Variants in ZXDC observed in about 807,000 individuals in gnomAD.
The protein encoded by ZXDC is ZXD family zinc finger C.
In ZXDC, 58 loss-of-function variants were observed where a neutral mutation model predicts 63.6. The observed-to-expected ratio is 0.91, with a 90% CI of 0.74 to 1.13. ZXDC has a LOEUF of 1.13. Among genes scored for constraint, ZXDC ranks in the 50% most tolerant of loss-of-function variants. The pLI, the probability that ZXDC is intolerant of heterozygous loss-of-function variation, is 0.00. For missense variants in ZXDC, 1,133 were observed against 1,148.9 expected (o/e 0.99, Z 0.20); for synonymous variants, 561 against 496.1 (o/e 1.13, Z -1.74).
intron 1 of ZXDC, 129 bp from the exon 2 acceptor site, chr3:126,472,434 C>T: frequency 8.5e-6 from 10 of 1,175,450 alleles, no homozygotes; most frequent in Non-Finnish European, 1.2e-5. Context: ...CAGAAGCACT[C>T]TCTAAAAAGG....
chr3:126,450,230 C>T, intron 7 of ZXDC: 2 of 418,222 alleles, frequency 4.8e-6, no homozygotes, highest in South Asian at 3.5e-5. Flanking sequence ...CTTTACCTGC[C>T]AGGGCTCCAA....
intron 1 of ZXDC, among the ~76,000 whole-genome samples, chr3:126,473,529 C>G (rs1413734345): frequency 6.6e-6 from 1 of 152,188 alleles, no homozygotes; most frequent in African/African-American, 2.4e-5. Context: ...CCTGACCTTC[C>G]CAGTGTCATA....
Position 126,438,092 on chromosome 3 carries a change from G to A in ZXDC, c.*283C>T. 1 of 504,128 alleles carries A rather than the reference G, an allele frequency of 2.0e-6. No individual in the cohort carries two copies. The highest frequency in any genetic ancestry group is 3.7e-5 in the East Asian group (1 of 27,308). 31.2% of individuals were successfully genotyped at this position (504,128 alleles called of 1,614,324 possible). The stretch of plus-strand genomic sequence containing the variant: ...AGTGCTACACAGCTCAGATCCAACG[G>A]GACACGGGGAAAGAGGCTGTAGTGC... On this transcript the variant is annotated 3_prime_UTR_variant, in exon 10 of 10. Transcript: ENST00000389709.
intron 7 of ZXDC, among the ~76,000 whole-genome samples, chr3:126,449,734 C>A (rs1934022461): frequency 6.6e-6 from 1 of 152,202 alleles, no homozygotes; most frequent in Non-Finnish European, 1.5e-5. Context: ...CGACCTTCAC[C>A]CTCAATCACC....
At chr3:126,451,590 T>G (rs1934100713) in intron 7 of ZXDC, 2 of 985,330 alleles carry the variant, frequency 2.0e-6, no homozygotes, top group Non-Finnish European at 2.4e-6. Flanking sequence ...AAGGACGCGC[T>G]GTGTGCACCA....
intron 7 of ZXDC, among the ~76,000 whole-genome samples, chr3:126,449,130 C>G (rs563513422): frequency 6.6e-6 from 1 of 152,050 alleles, no homozygotes; most frequent in South Asian, 2.1e-4. Context: ...CACACAAAGC[C>G]CTGCCACTCT....
At chr3:126,455,106 C>T (rs913221928) in intron 7 of ZXDC, 1 of 985,146 alleles carries the variant, frequency 1.0e-6, no homozygotes, top group African/African-American at 1.7e-5. Context: ...ATTACAGGTC[C>T]ATAGTCTCTC....
At position 126,438,014 on chromosome 3, in the gene ZXDC, A is replaced by G; in HGVS notation, c.*361T>C. ...CAGATCAAGCTGCATCTGACTAGAC[A>G]GCCTGTTCTCTACCCTATTTCCTGC... On this transcript the variant is annotated 3_prime_UTR_variant, in exon 10 of 10. Coordinates refer to ENST00000389709, the MANE Select transcript of ZXDC (RefSeq NM_025112.5). 1 of 259,136 alleles carries G rather than the reference A, an allele frequency of 3.9e-6. No homozygotes were observed. The highest frequency in any genetic ancestry group is 1.4e-3 in the Middle Eastern group (1 of 738). 16.1% of individuals were successfully genotyped at this position (259,136 alleles called of 1,614,324 possible).
At chr3:126,472,397 C>T in intron 1 of ZXDC, 92 bp from the exon 2 acceptor site, 1 of 1,451,864 alleles carries the variant, frequency 6.9e-7, no homozygotes, top group East Asian at 2.3e-5. Flanking sequence ...CCTGTTCACA[C>T]TGAAGCAGAC....
intron 7 of ZXDC, chr3:126,458,965 G>C (rs1934415572): frequency 1.0e-6 from 1 of 980,468 alleles, no homozygotes; most frequent in Non-Finnish European, 1.2e-6. Context: ...TAGGAATAGA[G>C]AGCAAGATAT....
At chr3:126,444,567 T>C (rs959353882) in intron 7 of ZXDC, among the ~76,000 whole-genome samples, 1 of 152,064 alleles carries the variant, frequency 6.6e-6, no homozygotes, top group East Asian at 1.9e-4. Context: ...AAAACCACTG[T>C]AGAATAAATT....
chr3:126,452,627 G>A (rs1316156114), intron 7 of ZXDC: 1 of 927,984 alleles, frequency 1.1e-6, no homozygotes, highest in Non-Finnish European at 1.3e-6. Flanking sequence ...CAAGCTATCT[G>A]ATTAAGCTCC....
chr3:126,440,279 A>G (rs985392792), intron 8 of ZXDC: 30 of 989,010 alleles, frequency 3.0e-5, no homozygotes, highest in African/African-American at 2.4e-4. Context: ...ATGTCCGCCC[A>G]TGGCCATTCA....
At chr3:126,457,683 C>A (rs575405666) in intron 7 of ZXDC, 3 of 980,520 alleles carry the variant, frequency 3.1e-6, no homozygotes, top group South Asian at 9.4e-5. Flanking sequence ...CGAGAAGCTG[C>A]GCTTTATAGA....
chr3:126,457,681 TGCGCTTTATAG>T, intron 7 of ZXDC: 1 of 982,904 alleles, frequency 1.0e-6, no homozygotes, highest in Non-Finnish European at 1.2e-6. Flanking sequence ...AACGAGAAGC[TGCGCTTTATAG>T]ACATGTCCCA....
chr3:126,470,883 T>C lies in ZXDC; in HGVS notation c.1270+12A>G. The C allele has an allele frequency of 6.2e-7, 1 of 1,613,858 alleles. No individual in the cohort carries two copies. The highest frequency in any genetic ancestry group is 1.1e-5 in the South Asian group (1 of 91,058). On this transcript the variant is annotated intron_variant, in intron 4 of 9. Coordinates refer to ENST00000389709, the MANE Select transcript of ZXDC (RefSeq NM_025112.5). Reference sequence around the variant, plus strand: ...CTTAGTTTACTGCTCAAAGCAATGTTTTAAAATCTACCTTCCACAGGACAC... The same window carrying C: ...CTTAGTTTACTGCTCAAAGCAATGTCTTAAAATCTACCTTCCACAGGACAC...
chr3:126,438,711 T>C (rs1402840333), intron 9 of ZXDC, among the ~76,000 whole-genome samples: 25 of 152,248 alleles, frequency 1.6e-4, no homozygotes, highest in Admixed American at 1.6e-3. Context: ...TATACCCATA[T>C]GCCTTTTTAC....
rs1394054121 is a variant in ZXDC, at chr3:126,475,743, T to C, written c.123A>G (p.Leu41=). The change falls in exon 1 of 10, where the codon CTA becomes CTG. Residue 41 remains leucine, a synonymous_variant. Transcript: ENST00000389709. Reference sequence around the variant, plus strand: ...CGCCATCTTCAGGGCCCCGCACCAGTAGCAGGCGGCGGCGCGCGGGGCTCG... The same window carrying C: ...CGCCATCTTCAGGGCCCCGCACCAGCAGCAGGCGGCGGCGCGCGGGGCTCG... The part of the protein sequence containing the change: ...LGASPARRRL[L]LVRGPEDGGP... 4 of 1,171,986 alleles carry C rather than the reference T, an allele frequency of 3.4e-6. No homozygotes were observed. The African/African-American group carries it at 4.9e-5, about 14-fold the overall frequency. 72.6% of individuals were successfully genotyped at this position (1,171,986 alleles called of 1,614,324 possible).
intron 7 of ZXDC, among the ~76,000 whole-genome samples, chr3:126,455,377 C>A (rs1934266813): frequency 6.6e-6 from 1 of 152,178 alleles, no homozygotes; most frequent in Non-Finnish European, 1.5e-5. Context: ...AATACTAGCA[C>A]TGACCACTGA....
Sources: gnomAD v4.1 joint callset for allele counts (sites outside exome capture counted in the v4.1 genomes callset) on GRCh38, gnomAD v4.1.1 for gene constraint, MANE v1.5 for transcripts, NCBI Gene and HGNC (gene_info 2026-07-23, HGNC 2026-07-21) for gene names.